The following TRAM2 variants were observed in gnomAD, a reference collection of about 807,000 sequenced individuals.
TRAM2 encodes the protein translocation associated membrane protein 2, also known as translocating chain-associated membrane protein 2.
Under a neutral mutation model 51.0 loss-of-function variants are expected in TRAM2, and 12 were observed. The observed-to-expected ratio is 0.24, with a 90% CI of 0.15 to 0.38. TRAM2 has a LOEUF of 0.38. Among genes scored for constraint, TRAM2 ranks in the 10% least tolerant of loss-of-function variants. The pLI is 1.00. For synonymous variants in TRAM2, 175 were observed against 179.4 expected, an observed-to-expected ratio of 0.98 and a Z score of 0.20; for missense variants, 361 against 462.0, an observed-to-expected ratio of 0.78 and a Z score of 2.00.
intron 1 of TRAM2, among the ~76,000 whole-genome samples, chr6:52,570,532 G>A (rs1767658882): frequency 6.6e-6 from 1 of 152,176 alleles, no homozygotes; most frequent in Admixed American, 6.5e-5. Flanking sequence ...ACTTGGAGTG[G>A]ATGGTCCTTG....
At chr6:52,543,898 C>T (rs961264686) in intron 1 of TRAM2, among the ~76,000 whole-genome samples, 22 of 152,142 alleles carry the variant, frequency 1.4e-4, no homozygotes, top group African/African-American at 4.6e-4. Flanking sequence ...GGTAGCTGGA[C>T]CAGGCAGGAC....
chr6:52,571,439 A>ACAGCGCC (rs1767679535), intron 1 of TRAM2, among the ~76,000 whole-genome samples: 1 of 152,178 alleles, frequency 6.6e-6, no homozygotes, highest in African/African-American at 2.4e-5. Flanking sequence ...ACCGGTCCGG[A>ACAGCGCC]CAGCGCCCTC....
intron 1 of TRAM2, among the ~76,000 whole-genome samples, chr6:52,558,595 T>C (rs1438775650): frequency 6.6e-6 from 1 of 152,192 alleles, no homozygotes; most frequent in African/African-American, 2.4e-5. Context: ...AGTGACACTA[T>C]TACAGCAAAC....
rs1766153410 is a variant in TRAM2 at position 52,499,175 on chromosome 6, C to T, written c.*4022G>A. 1 of 152,134 alleles carries T rather than the reference C, an allele frequency of 6.6e-6. No individual in the cohort carries two copies. The highest frequency in any genetic ancestry group is 1.5e-5 in the Non-Finnish European group (1 of 68,050). The allele number at this position is 152,134 out of a possible 1,614,324, so 9.4% of individuals were successfully genotyped here. Reference sequence around the variant, plus strand: ...GGAGAGAGATCCTATTTAGGTTTTCCAGTCATCTGACAATGACCTAATCCT... The same window carrying T: ...GGAGAGAGATCCTATTTAGGTTTTCTAGTCATCTGACAATGACCTAATCCT... On this transcript the variant is annotated 3_prime_UTR_variant, in exon 11 of 11. Coordinates refer to ENST00000182527, the MANE Select transcript of TRAM2 (RefSeq NM_012288.4).
intron 10 of TRAM2, 118 bp downstream of exon 10, chr6:52,504,473 G>A (rs990804379): frequency 5.2e-5 from 79 of 1,511,478 alleles, no homozygotes; most frequent in Admixed American, 1.0e-4. Context: ...GAGTCAGGAA[G>A]GAGAAGCTGG....
intron 2 of TRAM2, among the ~76,000 whole-genome samples, chr6:52,530,404 G>C (rs1338213650): frequency 3.3e-5 from 5 of 152,170 alleles, no homozygotes; most frequent in Non-Finnish European, 7.3e-5. Context: ...AGCTGGTGTT[G>C]TGAGCTAAAC....
At chr6:52,564,913 G>C (rs1199113002) in intron 1 of TRAM2, among the ~76,000 whole-genome samples, 1 of 152,276 alleles carries the variant, frequency 6.6e-6, no homozygotes, top group East Asian at 1.9e-4. Context: ...AAAAGAAATA[G>C]CAGTTATAGG....
intron 1 of TRAM2, among the ~76,000 whole-genome samples, chr6:52,568,498 G>C (rs1018775993): frequency 2.0e-5 from 3 of 152,204 alleles, no homozygotes; most frequent in Admixed American, 2.0e-4. Flanking sequence ...CGGAAACCAG[G>C]CATTGTGAGG....
At chr6:52,520,006 G>C (rs936477558) in intron 2 of TRAM2, among the ~76,000 whole-genome samples, 2 of 152,234 alleles carry the variant, frequency 1.3e-5, no homozygotes, top group African/African-American at 4.8e-5. Context: ...AGAGGAATGG[G>C]AAGGTGCTAT....
intron 1 of TRAM2, among the ~76,000 whole-genome samples, chr6:52,569,243 A>T (rs771893456): frequency 1.9e-4 from 29 of 151,960 alleles, no homozygotes; most frequent in Non-Finnish European, 4.0e-4. Flanking sequence ...AAAATACAAA[A>T]ATTAGGCATA....
At chr6:52,529,877 CTTTTCTGGCCT>C (rs1347264525) in intron 2 of TRAM2, 1 of 152,142 alleles carries the variant, frequency 6.6e-6, no homozygotes, top group Non-Finnish European at 1.5e-5. Context: ...TCAAACTTTT[CTTTTCTGGCCT>C]TTATAGTCTA....
chr6:52,569,760 C>T (rs1457068875), intron 1 of TRAM2, among the ~76,000 whole-genome samples: 1 of 152,082 alleles, frequency 6.6e-6, no homozygotes, highest in Non-Finnish European at 1.5e-5. Flanking sequence ...AGGGACCCCA[C>T]CTATTCATCT....
At chr6:52,507,685 G>C in intron 6 of TRAM2, 62 bp from the exon 7 acceptor site, 1 of 1,545,398 alleles carries the variant, frequency 6.5e-7, no homozygotes, top group South Asian at 1.1e-5. Context: ...TCAGGGAAGG[G>C]GGAAAAGTGC....
At chr6:52,559,538 G>A in intron 1 of TRAM2, among the ~76,000 whole-genome samples, 1 of 152,170 alleles carries the variant, frequency 6.6e-6, no homozygotes, top group Non-Finnish European at 1.5e-5. Flanking sequence ...GCTGATTGTG[G>A]GGGCTGAATG....
intron 5 of TRAM2, among the ~76,000 whole-genome samples, chr6:52,509,248 G>T (rs1197314205): frequency 6.6e-6 from 1 of 152,184 alleles, no homozygotes; most frequent in African/African-American, 2.4e-5. Context: ...AAACCCAGAG[G>T]GCATTATGGA....
At chr6:52,523,571 T>C (rs2114076639) in intron 2 of TRAM2, 1 of 152,388 alleles carries the variant, frequency 6.6e-6, no homozygotes, top group Middle Eastern at 3.4e-3. Flanking sequence ...TTGCTAAGGC[T>C]GTGGGGAAAC....
intron 9 of TRAM2, 103 bp downstream of exon 9, chr6:52,505,496 A>G (rs1201188263): frequency 1.6e-5 from 23 of 1,445,226 alleles, no homozygotes; most frequent in Non-Finnish European, 1.9e-5. Flanking sequence ...AAATAACAAT[A>G]TGTGGGAGAC....
intron 8 of TRAM2, 59 bp from the exon 9 acceptor site, chr6:52,505,801 C>T (rs1486431689): frequency 1.3e-6 from 2 of 1,545,916 alleles, no homozygotes; most frequent in Non-Finnish European, 1.7e-6. Context: ...GAATCTTCAC[C>T]CACTTCTCCA....
At chr6:52,572,916 C>A (rs1435324051) in intron 1 of TRAM2, among the ~76,000 whole-genome samples, 3 of 152,138 alleles carry the variant, frequency 2.0e-5, no homozygotes, top group Non-Finnish European at 2.9e-5. Context: ...GCCAAATCTG[C>A]CTCTAAAACA....
Sources: gnomAD v4.1 joint callset for allele counts (sites outside exome capture counted in the v4.1 genomes callset) on GRCh38, gnomAD v4.1.1 for gene constraint, MANE v1.5 for transcripts, NCBI Gene and HGNC (gene_info 2026-07-23, HGNC 2026-07-21) for gene names.